The following PAK3 variants were observed in gnomAD, a reference collection of about 807,000 sequenced individuals.
PAK3 encodes p21 (RAC1) activated kinase 3.
A neutral mutation model predicts 41.0 loss-of-function variants in PAK3; 4 were observed. The ratio of observed to expected loss-of-function variants is 0.10; its 90% confidence interval spans 0.05 to 0.22. PAK3 has a LOEUF of 0.22. Ranked by LOEUF, PAK3 falls within the 10% of genes least tolerant of loss-of-function variation. The probability of loss-of-function intolerance (pLI) is 1.00; values close to 1 mark genes in which losing one functional copy is unlikely to be tolerated. For synonymous variants in PAK3, 146 were observed against 139.6 expected (o/e 1.05, Z -0.32); for missense variants, 205 against 409.9 (o/e 0.50, Z 4.32).
intron 1 of PAK3, among the ~76,000 whole-genome samples, chrX:111,037,056 C>T (rs1010261838): frequency 2.7e-5 from 3 of 111,254 alleles, no homozygotes; most frequent in African/African-American, 6.5e-5. Context: ...GTGATTCTCC[C>T]GTCCCAGCCT....
At chrX:111,173,165 T>C (rs1044107227) in intron 11 of PAK3, 84 bp downstream of exon 11, 8 of 526,457 alleles carry the variant, frequency 1.5e-5, no homozygotes, top group African/African-American at 1.4e-4. Context: ...CTTGGGTTTC[T>C]GGTAAATTAT....
intron 17 of PAK3, chrX:111,217,519 A>T (rs2094892200): frequency 4.1e-6 from 4 of 969,283 alleles, no homozygotes; most frequent in Non-Finnish European, 5.3e-6. Flanking sequence ...CTGAAAGAAA[A>T]ACCTGTTCCT....
intron 1 of PAK3, among the ~76,000 whole-genome samples, chrX:111,041,089 A>T (rs894808146): frequency 6.2e-5 from 7 of 112,774 alleles, no homozygotes; most frequent in Non-Finnish European, 1.9e-5. Context: ...CTCCTGGCTG[A>T]CGCATTTGCC....
upstream of PAK3, among the ~76,000 whole-genome samples, chrX:111,092,904 C>G (rs923530820): frequency 8.9e-6 from 1 of 111,754 alleles, no homozygotes; most frequent in African/African-American, 3.3e-5. Flanking sequence ...GTGGCACATG[C>G]ATTTTAACAT....
intron 11 of PAK3, among the ~76,000 whole-genome samples, chrX:111,187,795 A>G (rs1207286155): frequency 9.0e-6 from 1 of 110,591 alleles, no homozygotes; most frequent in Non-Finnish European, 1.9e-5. Context: ...AAGGTTGTGC[A>G]AAGGCTAGAA....
intron 1 of PAK3, among the ~76,000 whole-genome samples, chrX:110,987,102 C>G (rs773636672): frequency 1.8e-5 from 2 of 111,841 alleles, no homozygotes; most frequent in Non-Finnish European, 3.8e-5. Context: ...TCTGTGGGCT[C>G]TCAACATTTT....
chrX:111,016,132 T>C (rs1240925592), intron 1 of PAK3, among the ~76,000 whole-genome samples: 1 of 112,779 alleles, frequency 8.9e-6, no homozygotes, highest in African/African-American at 3.2e-5. Context: ...CACGAATATG[T>C]ACCAACCAAT....
intron 1 of PAK3, among the ~76,000 whole-genome samples, chrX:111,052,115 T>C (rs999011679): frequency 1.7e-4 from 19 of 112,424 alleles, no homozygotes; most frequent in African/African-American, 6.1e-4. Context: ...TAGCTCCTCA[T>C]GCTGCCTAAT....
At chrX:111,097,881 C>T (rs1248464623) in intron 3 of PAK3, among the ~76,000 whole-genome samples, 197 bp downstream of exon 3, 7 of 110,896 alleles carry the variant, frequency 6.3e-5, no homozygotes, top group Non-Finnish European at 1.1e-4. Context: ...ATCCCCCAGC[C>T]CATGCAAGAA....
At chrX:111,067,046 T>C (rs2148817658) in intron 1 of PAK3, among the ~76,000 whole-genome samples, 1 of 112,347 alleles carries the variant, frequency 8.9e-6, no homozygotes, top group East Asian at 2.8e-4. Flanking sequence ...CTTTTCATAT[T>C]TGTTCTAATA....
Position 111,196,428 on chromosome X carries a change from C to G in PAK3, c.1211-16C>G, listed in dbSNP as rs1373688012. 5.0e-6 allele frequency: 6 copies of G among 1,193,801 alleles called. No homozygotes were observed. The highest frequency in any genetic ancestry group is 5.7e-6 in the Non-Finnish European group (5 of 880,353). On this transcript the variant is annotated splice_polypyrimidine_tract_variant and intron_variant, in intron 15 of 17. Coordinates refer to ENST00000372007, the MANE Select transcript of PAK3 (RefSeq NM_002578.5). The stretch of plus-strand genomic sequence containing the variant: ...AATAATTTGGGCTTATTTTAACTGG[C>G]TTTTCTTCTCTGCAGCTGACTTTGG...
intron 10 of PAK3, among the ~76,000 whole-genome samples, chrX:111,168,460 G>C: frequency 9.0e-6 from 1 of 111,661 alleles, no homozygotes; most frequent in Non-Finnish European, 1.9e-5. Flanking sequence ...CTTGTTTTGT[G>C]ATTGAGAATG....
intron 11 of PAK3, among the ~76,000 whole-genome samples, chrX:111,182,806 C>T (rs1224739687): frequency 9.0e-6 from 1 of 111,314 alleles, no homozygotes; most frequent in Non-Finnish European, 1.9e-5. Flanking sequence ...AAGATAAAGT[C>T]TATTTCTAAA....
intron 11 of PAK3, among the ~76,000 whole-genome samples, chrX:111,179,487 A>G (rs2094443240): frequency 9.0e-6 from 1 of 111,559 alleles, no homozygotes; most frequent in Admixed American, 9.6e-5. Flanking sequence ...GAACTACTGT[A>G]TTCTTATCAC....
intron 1 of PAK3, among the ~76,000 whole-genome samples, chrX:111,026,380 T>C (rs1306965007): frequency 9.0e-6 from 1 of 111,454 alleles, no homozygotes; most frequent in Non-Finnish European, 1.9e-5. Context: ...TATTTGCTGA[T>C]GATATGATTG....
chrX:111,062,474 C>A (rs924743349), intron 1 of PAK3, among the ~76,000 whole-genome samples: 3 of 112,266 alleles, frequency 2.7e-5, no homozygotes, highest in Non-Finnish European at 5.6e-5. Flanking sequence ...GGCCCCTGGG[C>A]TGAAGAGCAC....
At chrX:111,089,135 T>C (rs2092911463) in intron 1 of PAK3, among the ~76,000 whole-genome samples, 1 of 112,329 alleles carries the variant, frequency 8.9e-6, no homozygotes, top group South Asian at 3.7e-4. Context: ...AGTAGTCATA[T>C]ACTAATGTCA....
At chrX:110,993,645 A>G (rs375531027) in intron 1 of PAK3, among the ~76,000 whole-genome samples, 2 of 112,232 alleles carry the variant, frequency 1.8e-5, no homozygotes, top group African/African-American at 3.2e-5. Flanking sequence ...AAATTCTGAG[A>G]CAAATTCAAA....
chrX:110,982,764 T>C (rs1448193009), intron 1 of PAK3, among the ~76,000 whole-genome samples: 1 of 111,038 alleles, frequency 9.0e-6, no homozygotes, highest in Non-Finnish European at 1.9e-5. Context: ...CAAGGAGCTC[T>C]AGGAAGGGAA....
Sources: allele counts gnomAD v4.1 joint callset (sites outside exome capture counted in the v4.1 genomes callset), GRCh38; gene constraint gnomAD v4.1.1; transcripts MANE v1.5; gene names NCBI Gene and HGNC (gene_info 2026-07-23, HGNC 2026-07-21).